TMEM132D: variants seen among roughly 807,000 people sequenced by gnomAD.
TMEM132D encodes the protein transmembrane protein 132D, also known as mature OL transmembrane protein.
A neutral mutation model predicts 62.3 loss-of-function variants in TMEM132D; 21 were observed. The ratio of observed to expected loss-of-function variants is 0.34; its 90% CI spans 0.24 to 0.49. TMEM132D has a LOEUF of 0.49. TMEM132D is among the 20% of genes least tolerant of loss of function. The probability of loss-of-function intolerance (pLI) is 0.99; values close to 1 mark genes in which losing one functional copy is unlikely to be tolerated. For synonymous variants in TMEM132D, 621 were observed against 575.6 expected (o/e 1.08, Z -1.13); for missense variants, 1,346 against 1,402.8 (o/e 0.96, Z 0.65).
chr12:129,665,196 G>GT (rs1565941860), intron 2 of TMEM132D, among the ~76,000 whole-genome samples: 1 of 151,992 alleles, frequency 6.6e-6, no homozygotes, highest in Non-Finnish European at 1.5e-5. Flanking sequence ...TGGGGAGCAG[G>GT]TGGGGGGGGC....
chr12:129,791,228 A>G (rs961707623), intron 1 of TMEM132D, among the ~76,000 whole-genome samples: 2 of 152,208 alleles, frequency 1.3e-5, no homozygotes, highest in African/African-American at 2.4e-5. Context: ...CATTAGAATC[A>G]CAAAAGCCTA....
chr12:129,902,009 T>TCCCA (rs1261986256), intron 1 of TMEM132D, among the ~76,000 whole-genome samples: 1 of 152,132 alleles, frequency 6.6e-6, no homozygotes, highest in Non-Finnish European at 1.5e-5. Flanking sequence ...AAGGCTCTGA[T>TCCCA]CCCAGGGATT....
intron 3 of TMEM132D, among the ~76,000 whole-genome samples, chr12:129,503,890 ACCATCATCACCATAATCACTATTG>A: frequency 6.6e-6 from 1 of 152,154 alleles, no homozygotes; most frequent in Admixed American, 6.5e-5. Context: ...TCTTCTTATC[ACCATCATCACCATAATCACTATTG>A]CCATCATCAT....
chr12:129,422,285 A>G (rs996854747), intron 3 of TMEM132D, among the ~76,000 whole-genome samples: 1 of 152,134 alleles, frequency 6.6e-6, no homozygotes, highest in African/African-American at 2.4e-5. Context: ...AGAGGGGTAT[A>G]TTATTGCTGT....
rs1877059215 is a variant in TMEM132D, at chr12:129,556,428, T to C, written c.969-25223A>G. On this transcript the variant is annotated intron_variant, in intron 2 of 8. Transcript: ENST00000422113. ...CCTAGCATGTCTCTCGCCAGAACAC[T>C]GGTTCTTATCATGTCTTCCCCTGGC... Among the ~76,000 whole-genome samples, 5 of 151,658 alleles carry C rather than the reference T, an allele frequency of 3.3e-5. No homozygotes were observed. In the South Asian group the frequency reaches 1.0e-3, roughly 32 times the overall value.
intron 1 of TMEM132D, among the ~76,000 whole-genome samples, chr12:129,757,203 A>T (rs1327169998): frequency 6.6e-6 from 1 of 152,130 alleles, no homozygotes; most frequent in Non-Finnish European, 1.5e-5. Flanking sequence ...ATATCAAAAA[A>T]CAGCTTTAAA....
At chr12:129,354,668 T>C (rs145834563) in intron 3 of TMEM132D, among the ~76,000 whole-genome samples, 74 of 152,298 alleles carry the variant, frequency 4.9e-4, no homozygotes, top group Middle Eastern at 3.4e-3. Context: ...TTAAAAGCTT[T>C]TTATGTCTTA....
chr12:129,566,322 C>A (rs1454300979), intron 2 of TMEM132D, among the ~76,000 whole-genome samples: 1 of 152,204 alleles, frequency 6.6e-6, no homozygotes, highest in Middle Eastern at 3.4e-3. Context: ...AGCATCTCAA[C>A]ATTGCAAACC....
chr12:129,252,073 T>C (rs1222374524), intron 4 of TMEM132D, among the ~76,000 whole-genome samples: 1 of 152,226 alleles, frequency 6.6e-6, no homozygotes. Context: ...CTAGCTAAAA[T>C]ATGTATATTC....
chr12:129,566,063 G>A (rs925688187), intron 2 of TMEM132D, among the ~76,000 whole-genome samples: 1 of 152,222 alleles, frequency 6.6e-6, no homozygotes, highest in Non-Finnish European at 1.5e-5. Context: ...GCACTTAGGT[G>A]ATTGAGCTGT....
intron 2 of TMEM132D, among the ~76,000 whole-genome samples, chr12:129,585,647 T>C (rs1047064783): frequency 2.6e-5 from 4 of 152,198 alleles, no homozygotes; most frequent in African/African-American, 4.8e-5. Context: ...ATTTCATTAA[T>C]TTTTATCACA....
intron 2 of TMEM132D, among the ~76,000 whole-genome samples, chr12:129,602,024 C>T (rs1878495152): frequency 6.6e-6 from 1 of 152,092 alleles, no homozygotes; most frequent in African/African-American, 2.4e-5. Context: ...CTTTCATTAT[C>T]ACTTGTTTTG....
At chr12:129,325,568 A>G (rs1490420434) in intron 4 of TMEM132D, among the ~76,000 whole-genome samples, 1 of 152,226 alleles carries the variant, frequency 6.6e-6, no homozygotes, top group African/African-American at 2.4e-5. Flanking sequence ...CACGGATACA[A>G]GAGAGGACTG....
intron 1 of TMEM132D, chr12:129,852,591 T>G (rs1334596634): frequency 6.6e-6 from 1 of 152,186 alleles, no homozygotes; most frequent in African/African-American, 2.4e-5. Flanking sequence ...AACCAATTCT[T>G]TGTAAAGACT....
At chr12:129,448,427 A>C (rs551768046) in intron 3 of TMEM132D, among the ~76,000 whole-genome samples, 81 of 152,164 alleles carry the variant, frequency 5.3e-4, no homozygotes, top group African/African-American at 1.8e-3. Flanking sequence ...CAGTGTGTCC[A>C]TGTGTTCTCA....
chr12:129,780,355 G>A (rs1341408542), intron 1 of TMEM132D, among the ~76,000 whole-genome samples: 3 of 151,924 alleles, frequency 2.0e-5, no homozygotes, highest in Non-Finnish European at 4.4e-5. Context: ...GGGGCCGGGG[G>A]GGCACAAAAT....
chr12:129,298,626 G>A (rs888883451), intron 4 of TMEM132D, among the ~76,000 whole-genome samples: 2 of 152,116 alleles, frequency 1.3e-5, no homozygotes, highest in African/African-American at 4.8e-5. Context: ...CAATCTTTCT[G>A]TCTGGCTCCC....
At chr12:129,512,872 C>T (rs6416186) in intron 3 of TMEM132D, among the ~76,000 whole-genome samples, 85,218 of 152,002 alleles carry the variant, frequency 0.56, 24,098 homozygotes, top group Non-Finnish European at 0.59. Flanking sequence ...CTTCAGAAGT[C>T]ACATGCCATC....
At chr12:129,490,423 C>CTTT (rs11311745) in intron 3 of TMEM132D, among the ~76,000 whole-genome samples, 348 of 58,470 alleles carry the variant, frequency 6.0e-3, no homozygotes, top group South Asian at 9.4e-3. Context: ...ATTTCCTTTC[C>CTTT]TTTTTTTTTT....
Sources: gnomAD v4.1 joint callset for allele counts (sites outside exome capture counted in the v4.1 genomes callset) on GRCh38, gnomAD v4.1.1 for gene constraint, MANE v1.5 for transcripts, NCBI Gene and HGNC (gene_info 2026-07-23, HGNC 2026-07-21) for gene names.